The following MICU3 variants were observed in gnomAD, a reference collection of about 807,000 sequenced individuals.
MICU3 encodes calcium uptake protein 3, mitochondrial.
In MICU3, 62 loss-of-function variants were observed where a neutral mutation model predicts 66.5. The observed-to-expected ratio is 0.93, with a 90% CI of 0.76 to 1.15. The LOEUF is 1.15. Among genes scored for constraint, MICU3 ranks in the 50% most tolerant of loss-of-function variants. The pLI is 0.00. For missense variants in MICU3, 779 were observed against 664.4 expected (o/e 1.17, Z -1.90); for synonymous variants, 308 against 240.7 (o/e 1.28, Z -2.59).
chr8:17,085,360 T>A, intron 6 of MICU3, 42 bp downstream of exon 6: 1 of 1,260,228 alleles, frequency 7.9e-7, no homozygotes, highest in Non-Finnish European at 1.1e-6. Flanking sequence ...AATTAAATAT[T>A]GCTTACTTAT....
At chr8:17,109,394 G>T (rs1802008289) in intron 11 of MICU3, among the ~76,000 whole-genome samples, 1 of 152,038 alleles carries the variant, frequency 6.6e-6, no homozygotes, top group African/African-American at 2.4e-5. Context: ...TTATAATGTT[G>T]TTTGTAATAG....
chr8:17,092,257 T>A (rs1315414937), intron 8 of MICU3, among the ~76,000 whole-genome samples: 4 of 152,056 alleles, frequency 2.6e-5, no homozygotes, highest in African/African-American at 9.7e-5. Flanking sequence ...TTTCCCTTAA[T>A]CTCATAAGCA....
In MICU3 at chr8:17,105,340, G is replaced by T. The variant is rs181025588; in HGVS notation, c.1086-73G>T. The T allele has an allele frequency of 1.5e-3, 1,219 of 810,868 alleles. 3 individuals carry two copies. The highest frequency in any genetic ancestry group is 2.1e-3 in the Non-Finnish European group (1,070 of 509,718). 50.2% of individuals were successfully genotyped at this position (810,868 alleles called of 1,614,324 possible). On this transcript the variant is annotated intron_variant, in intron 10 of 14. Coordinates refer to ENST00000318063, the MANE Select transcript of MICU3 (RefSeq NM_181723.3). ...TCCATATAACCTTTTCTAGGACAGT[G>T]AGTATTTGCTCATCTCCTGTTACGA...
At chr8:17,080,496 A>G (rs1471794706) in intron 4 of MICU3, among the ~76,000 whole-genome samples, 1 of 152,122 alleles carries the variant, frequency 6.6e-6, no homozygotes, top group East Asian at 1.9e-4. Context: ...GATTATGGAG[A>G]CAGCATGCCC....
intron 1 of MICU3, among the ~76,000 whole-genome samples, chr8:17,036,401 G>A (rs557543566): frequency 4.0e-5 from 6 of 151,766 alleles, no homozygotes; most frequent in African/African-American, 1.2e-4. Context: ...GGACCCGAGC[G>A]GGTTGCCAAT....
rs1818279337 is a variant in MICU3 at position 17,063,991 on chromosome 8, C to T, written c.382-93C>T. 3 of 847,332 alleles carry T rather than the reference C, an allele frequency of 3.5e-6. No individual in the cohort carries two copies. The Admixed American group carries it at 8.4e-5, about 24-fold the overall frequency. 52.5% of individuals were successfully genotyped at this position (847,332 alleles called of 1,614,324 possible). A position where few individuals can be genotyped will look rare whatever the true frequency, so the allele number is the denominator to read the frequency against. On this transcript the variant is annotated intron_variant, in intron 1 of 14. Coordinates refer to ENST00000318063, the MANE Select transcript of MICU3 (RefSeq NM_181723.3). ...CGATATTTTCACACTTCCTCATTTA[C>T]TCTGTTTATTCACTTTCAACATAAT...
intron 4 of MICU3, among the ~76,000 whole-genome samples, 182 bp from the exon 5 acceptor site, chr8:17,081,511 A>G (rs908280250): frequency 1.3e-5 from 2 of 152,058 alleles, no homozygotes; most frequent in Non-Finnish European, 2.9e-5. Context: ...ATATCTACAA[A>G]GGCATGTGGA....
intron 1 of MICU3, among the ~76,000 whole-genome samples, chr8:17,038,960 A>T (rs201865848): frequency 0.16 from 24,609 of 150,522 alleles, 2,931 homozygotes; most frequent in East Asian, 0.56. Context: ...CTCAAAAAAA[A>T]AAAAAAATAA....
At chr8:17,057,711 A>G (rs1276557895) in intron 1 of MICU3, among the ~76,000 whole-genome samples, 1 of 152,108 alleles carries the variant, frequency 6.6e-6, no homozygotes, top group African/African-American at 2.4e-5. Flanking sequence ...GTAACACTGA[A>G]TTGATGATAA....
intron 13 of MICU3, among the ~76,000 whole-genome samples, chr8:17,117,245 TAAGATTACAGGAATG>T (rs1363210502): frequency 4.6e-5 from 7 of 152,286 alleles, no homozygotes; most frequent in Non-Finnish European, 1.0e-4. Flanking sequence ...CCCAAAGTGC[TAAGATTACAGGAATG>T]AACCACCACA....
At chr8:17,064,011 C>A in intron 1 of MICU3, 73 bp from the exon 2 acceptor site, 1 of 1,140,144 alleles carries the variant, frequency 8.8e-7, no homozygotes, top group Non-Finnish European at 1.2e-6. Flanking sequence ...TCACTTTCAA[C>A]ATAATTAAAA....
Position 17,055,489 on chromosome 8 carries a change from G to C in MICU3, c.382-8595G>C, listed in dbSNP as rs191078325. ...TTCTTCTCCTTTTCCATAATAGTTAGGGTATAGATGTCCAGCTCTTCTTCA... is the reference window on the plus strand; with the variant it reads ...TTCTTCTCCTTTTCCATAATAGTTACGGTATAGATGTCCAGCTCTTCTTCA... On this transcript the variant is annotated intron_variant, in intron 1 of 14. Transcript: ENST00000318063. Among the ~76,000 whole-genome samples the C allele has an allele frequency of 1.5e-3, 225 of 152,276 alleles. 4 individuals carry two copies. Among genetic ancestry groups the C allele is most frequent in the Admixed American group, 0.013 (201 of 15,300 alleles).
chr8:17,074,836 T>C (rs551729538), intron 3 of MICU3, among the ~76,000 whole-genome samples: 70 of 152,266 alleles, frequency 4.6e-4, no homozygotes, highest in Non-Finnish European at 9.4e-4. Flanking sequence ...AGACTGACTT[T>C]AATTCAGCAA....
chr8:17,053,417 A>G (rs2150577688), intron 1 of MICU3, among the ~76,000 whole-genome samples: 1 of 152,222 alleles, frequency 6.6e-6, no homozygotes, highest in Middle Eastern at 3.4e-3. Flanking sequence ...TTGGCAATGA[A>G]CCTTTGTTTT....
At chr8:17,039,351 T>G (rs768830714) in intron 1 of MICU3, among the ~76,000 whole-genome samples, 4 of 152,168 alleles carry the variant, frequency 2.6e-5, no homozygotes, top group Non-Finnish European at 5.9e-5. Context: ...AAGTCCCAGT[T>G]TTTTATAGTG....
chr8:17,132,449 A>G, the MICU3 span: 1 of 152,082 alleles, frequency 6.6e-6, no homozygotes, highest in Non-Finnish European at 1.5e-5. Flanking sequence ...GTACTTTTCT[A>G]CTACACTTTT....
In MICU3 at chr8:17,096,900, A is replaced by G. The variant is rs1341348802; in HGVS notation, c.889-1558A>G. The stretch of plus-strand genomic sequence containing the variant: ...ATATATTTACTTCTTTTTCTTGTCC[A>G]CAAAATACATGGTTGGTTAAACTAA... On this transcript the variant is annotated intron_variant, in intron 8 of 14. Coordinates refer to ENST00000318063, the MANE Select transcript of MICU3 (RefSeq NM_181723.3). Among the ~76,000 whole-genome samples the G allele has an allele frequency of 5.9e-5, 9 of 151,756 alleles. No individual in the cohort carries two copies. In the Admixed American group the frequency reaches 5.9e-4, roughly 10 times the overall value.
chr8:17,034,652 G>T (rs898935441), intron 1 of MICU3, among the ~76,000 whole-genome samples: 1 of 152,190 alleles, frequency 6.6e-6, no homozygotes, highest in African/African-American at 2.4e-5. Context: ...AGGGATTCAA[G>T]ATTTCAGTGA....
At chr8:17,133,014 A>T in the MICU3 span, 1 of 152,254 alleles carries the variant, frequency 6.6e-6, no homozygotes, top group Non-Finnish European at 1.5e-5. Flanking sequence ...AGCAGAAAGC[A>T]AGCCCTCGCC....
Sources: gnomAD v4.1 joint callset for allele counts (sites outside exome capture counted in the v4.1 genomes callset) on GRCh38, gnomAD v4.1.1 for gene constraint, MANE v1.5 for transcripts, NCBI Gene and HGNC (gene_info 2026-07-23, HGNC 2026-07-21) for gene names.